The following SLC8A1 variants were observed in gnomAD, a reference collection of about 807,000 sequenced individuals.
SLC8A1 encodes sodium/calcium exchanger 1.
A neutral mutation model predicts 68.3 loss-of-function variants in SLC8A1; 18 were observed. The ratio of observed to expected loss-of-function variants is 0.26; its 90% CI spans 0.18 to 0.39. The LOEUF (loss-of-function observed/expected upper bound fraction) is 0.39. SLC8A1 is among the 10% of genes least tolerant of loss of function. The pLI is 1.00. For missense variants in SLC8A1, 985 were observed against 1,156.7 expected (o/e 0.85, Z 2.15); for synonymous variants, 475 against 415.5 (o/e 1.14, Z -1.74).
exon 8 of SLC8A1, chr2:40,097,850 G>C (rs544027195): frequency 6.6e-6 from 1 of 152,016 alleles, no homozygotes; most frequent in East Asian, 1.9e-4. Context: ...TCTGAGAGTT[G>C]GTTGTACATA....
In SLC8A1 at chr2:40,399,397, C is replaced by T. The variant is rs539419462; in HGVS notation, c.1808+29076G>A. ...TGGGGAAAAATCAACAGAAACAACACGCCAGGTAGATTATGGCCACTGCAA... is the reference window on the plus strand; with the variant it reads ...TGGGGAAAAATCAACAGAAACAACATGCCAGGTAGATTATGGCCACTGCAA... On this transcript the variant is annotated intron_variant, in intron 2 of 7. Transcript: ENST00000406785. Among the ~76,000 whole-genome samples the T allele has an allele frequency of 7.2e-5, 11 of 152,070 alleles. No individual in the cohort carries two copies. The South Asian group carries it at 2.1e-3, about 29-fold the overall frequency.
At chr2:40,231,821 G>C (rs1373500720) in intron 2 of SLC8A1, among the ~76,000 whole-genome samples, 2 of 152,042 alleles carry the variant, frequency 1.3e-5, no homozygotes, top group Non-Finnish European at 2.9e-5. Context: ...CTTACTTTGG[G>C]AACCTATTTC....
At chr2:40,122,873 GGTGCCCCGGGCTTA>G (rs1392512990) in intron 7 of SLC8A1, among the ~76,000 whole-genome samples, 1 of 152,152 alleles carries the variant, frequency 6.6e-6, no homozygotes, top group Admixed American at 6.5e-5. Flanking sequence ...ACTTTATGGA[GGTGCCCCGGGCTTA>G]GTTTTCCTAC....
At chr2:40,251,663 T>C (rs1574720626) in intron 2 of SLC8A1, 2 of 152,180 alleles carry the variant, frequency 1.3e-5, no homozygotes, top group East Asian at 3.9e-4. Flanking sequence ...ACGCTCAACT[T>C]GTTTGTTTTG....
At chr2:40,175,416 A>AC in intron 3 of SLC8A1, 135 bp from the exon 4 acceptor site, 1 of 766,592 alleles carries the variant, frequency 1.3e-6, no homozygotes, top group East Asian at 2.7e-5. Flanking sequence ...AAATGGGTAT[A>AC]CCCCAAAGAA....
chr2:40,308,930 C>T (rs1050176199), intron 2 of SLC8A1, among the ~76,000 whole-genome samples: 1 of 152,122 alleles, frequency 6.6e-6, no homozygotes, highest in African/African-American at 2.4e-5. Context: ...GAAGAAATAA[C>T]CTTGCAAAAT....
At chr2:40,503,943 T>C (rs1433918454) in intron 1 of SLC8A1, among the ~76,000 whole-genome samples, 6 of 151,888 alleles carry the variant, frequency 4.0e-5, no homozygotes, top group Non-Finnish European at 7.4e-5. Context: ...TTCACTGAAA[T>C]AGAAAAAATA....
At chr2:40,307,727 C>G (rs1481176967) in intron 2 of SLC8A1, among the ~76,000 whole-genome samples, 1 of 152,090 alleles carries the variant, frequency 6.6e-6, no homozygotes, top group East Asian at 1.9e-4. Flanking sequence ...ACTTTGTTCA[C>G]AGACAGGAAC....
chr2:40,306,355 G>A (rs952055736), intron 2 of SLC8A1, among the ~76,000 whole-genome samples: 3 of 151,952 alleles, frequency 2.0e-5, no homozygotes, highest in Admixed American at 2.0e-4. Context: ...ATAGAGGCAG[G>A]AATTGAGAAG....
chr2:40,396,055 G>C (rs140743500), intron 2 of SLC8A1, among the ~76,000 whole-genome samples: 18 of 152,166 alleles, frequency 1.2e-4, no homozygotes, highest in Non-Finnish European at 2.2e-4. Flanking sequence ...GGGGTAAAAG[G>C]AAAGAAAGAT....
At chr2:40,327,919 TAATA>T (rs1653222164) in intron 2 of SLC8A1, among the ~76,000 whole-genome samples, 1 of 150,992 alleles carries the variant, frequency 6.6e-6, no homozygotes, top group African/African-American at 2.4e-5. Context: ...TGAAATTATT[TAATA>T]AATAAGTAAA....
rs182322748 is a variant in SLC8A1 at position 40,465,339 on chromosome 2, C to T, written c.-24-35035G>A. Among the ~76,000 whole-genome samples the T allele has an allele frequency of 4.6e-5, 7 of 152,148 alleles. No individual in the cohort carries two copies. The South Asian group carries it at 1.2e-3, about 27-fold the overall frequency. The stretch of plus-strand genomic sequence containing the variant: ...ATATATATATAGTATTTTTGGCATG[C>T]TTACATTTACACTGATTTTTCCAGG... On this transcript the variant is annotated intron_variant, in intron 1 of 7. Transcript: ENST00000402441.
chr2:40,432,175 A>G (rs1293046258), intron 1 of SLC8A1, among the ~76,000 whole-genome samples: 1 of 151,914 alleles, frequency 6.6e-6, no homozygotes, highest in Non-Finnish European at 1.5e-5. Flanking sequence ...TTGTGTATCC[A>G]TTTCATCCAC....
At chr2:40,446,524 C>T (rs562430810) in intron 1 of SLC8A1, 7 of 152,322 alleles carry the variant, frequency 4.6e-5, no homozygotes, top group East Asian at 1.9e-4. Context: ...CTTCCTCCTC[C>T]GTGAAACCAC....
chr2:40,291,262 G>A (rs964937712), intron 2 of SLC8A1, among the ~76,000 whole-genome samples: 1 of 152,102 alleles, frequency 6.6e-6, no homozygotes, highest in African/African-American at 2.4e-5. Context: ...GATGAATATT[G>A]AGAAGGCTTG....
chr2:40,362,620 G>C (rs925368216), intron 2 of SLC8A1, among the ~76,000 whole-genome samples: 2 of 151,958 alleles, frequency 1.3e-5, no homozygotes. Flanking sequence ...TCAATACAGA[G>C]GTGTTGTCTT....
intron 1 of SLC8A1, among the ~76,000 whole-genome samples, chr2:40,475,970 GATA>G (rs1403434121): frequency 6.6e-6 from 1 of 152,110 alleles, no homozygotes; most frequent in East Asian, 1.9e-4. Context: ...CTGTTCAAAA[GATA>G]ATAACCTTAA....
intron 2 of SLC8A1, among the ~76,000 whole-genome samples, chr2:40,216,484 G>A (rs555967565): frequency 7.1e-4 from 108 of 152,242 alleles, no homozygotes; most frequent in Non-Finnish European, 1.3e-3. Flanking sequence ...TGTCTTTATA[G>A]TAGAATGATT....
At chr2:40,263,261 T>A (rs1037733377) in intron 2 of SLC8A1, among the ~76,000 whole-genome samples, 7 of 152,178 alleles carry the variant, frequency 4.6e-5, no homozygotes, top group African/African-American at 1.4e-4. Context: ...AGAGTTGTTG[T>A]GAATACAAAA....
Sources: allele counts gnomAD v4.1 joint callset (sites outside exome capture counted in the v4.1 genomes callset), GRCh38; gene constraint gnomAD v4.1.1; transcripts MANE v1.5; gene names NCBI Gene and HGNC (gene_info 2026-07-23, HGNC 2026-07-21).